Variants in MTO1 observed in about 807,000 individuals in gnomAD.
The protein encoded by MTO1 is mitochondrial tRNA translation optimization 1.
Under a neutral mutation model 71.6 loss-of-function variants are expected in MTO1, and 46 were observed. The observed-to-expected ratio is 0.64, with a 90% CI of 0.51 to 0.82. The LOEUF (loss-of-function observed/expected upper bound fraction) is 0.82. Ranked by LOEUF, MTO1 falls within the 40% of genes least tolerant of loss-of-function variation. The pLI is 0.00. For synonymous variants in MTO1, 297 were observed against 312.1 expected (o/e 0.95, Z 0.51); for missense variants, 773 against 867.5 (o/e 0.89, Z 1.37).
chr6:73,500,035 T>C (rs1772110198), intron 11 of MTO1, among the ~76,000 whole-genome samples: 1 of 152,164 alleles, frequency 6.6e-6, no homozygotes, highest in Admixed American at 6.5e-5. Flanking sequence ...GGGCTTACTC[T>C]GTCACCCAGG....
In MTO1 at chr6:73,482,032, T is replaced by A; in HGVS notation, c.1261-8T>A. 3 of 1,614,112 alleles carry A rather than the reference T, an allele frequency of 1.9e-6. No individual in the cohort carries two copies. Among genetic ancestry groups the A allele is most frequent in the Non-Finnish European group, 2.5e-6 (3 of 1,180,000 alleles). On this transcript the variant is annotated splice_region_variant and splice_polypyrimidine_tract_variant and intron_variant, in intron 7 of 11. Transcript: ENST00000498286. ...AATGGCCTTTTAAACATTTCAGTGC[T>A]CTTGTAGGGTGTGATAGCCGGAATC... is the stretch of plus-strand genomic sequence containing the variant.
At chr6:73,464,860 AACTT>A (rs1770940123) in intron 1 of MTO1, among the ~76,000 whole-genome samples, 1 of 130,864 alleles carries the variant, frequency 7.6e-6, no homozygotes, top group South Asian at 2.2e-4. Context: ...AAAAAAAAAA[AACTT>A]TTGGAGGTCT....
At chr6:73,477,932 G>A (rs1274923975) in intron 4 of MTO1, among the ~76,000 whole-genome samples, 1 of 151,964 alleles carries the variant, frequency 6.6e-6, no homozygotes, top group East Asian at 1.9e-4. Context: ...AAGTGTAGAG[G>A]CCACTTTTAC....
chr6:73,485,845 TG>T (rs1771638275), intron 9 of MTO1, among the ~76,000 whole-genome samples: 1 of 152,218 alleles, frequency 6.6e-6, no homozygotes, highest in African/African-American at 2.4e-5. Flanking sequence ...TGCCAGACTA[TG>T]TAGTAAGCGC....
In MTO1 at chr6:73,500,671, A is replaced by AT; in HGVS notation, c.2016dup (p.Glu673Ter). On this transcript the variant is annotated frameshift_variant, in exon 12 of 12. Transcript: ENST00000498286. LOFTEE classifies it low-confidence loss of function (END_TRUNC). ...ACTCAACGAAGACAGTCGGCTATGA[A>AT]TGAATCATCCAAGACTGATCAATAC... The AT allele has an allele frequency of 6.2e-7, 1 of 1,614,072 alleles. No individual in the cohort carries two copies. The highest frequency in any genetic ancestry group is 8.5e-7 in the Non-Finnish European group (1 of 1,179,948).
intron 3 of MTO1, among the ~76,000 whole-genome samples, chr6:73,470,858 C>T (rs1771143166): frequency 6.6e-6 from 1 of 152,066 alleles, no homozygotes; most frequent in African/African-American, 2.4e-5. Context: ...GAGGCTAAGG[C>T]AGGAGAATCA....
At chr6:73,497,984 T>C in intron 11 of MTO1, 88 bp downstream of exon 11, 1 of 1,133,254 alleles carries the variant, frequency 8.8e-7, no homozygotes, top group Non-Finnish European at 1.2e-6. Flanking sequence ...AATGGCCATA[T>C]AACTAATGTT....
chr6:73,462,127 G>C lies in MTO1; in HGVS notation c.217+56G>C, dbSNP rs775896239. On this transcript the variant is annotated intron_variant, in intron 1 of 11. Coordinates refer to ENST00000498286, the MANE Select transcript of MTO1 (RefSeq NM_012123.4). Reference sequence around the variant, plus strand: ...GTAGGACGCAGGCTGCTTCCTTCCCGCCTCCCCCGGTCTGAAGCGGGGGAC... The same window carrying C: ...GTAGGACGCAGGCTGCTTCCTTCCCCCCTCCCCCGGTCTGAAGCGGGGGAC... 16 of 1,566,460 alleles carry C rather than the reference G, an allele frequency of 1.0e-5. No homozygotes were observed. In the South Asian group the frequency reaches 1.4e-4, roughly 14 times the overall value.
At chr6:73,465,548 T>C (rs1770962698) in intron 1 of MTO1, among the ~76,000 whole-genome samples, 1 of 152,078 alleles carries the variant, frequency 6.6e-6, no homozygotes, top group Non-Finnish European at 1.5e-5. Context: ...ATTTGGTAGA[T>C]TCCTCTGGTG....
chr6:73,463,843 C>T (rs1460266714), intron 1 of MTO1, among the ~76,000 whole-genome samples: 11 of 151,972 alleles, frequency 7.2e-5, no homozygotes, highest in Non-Finnish European at 1.5e-4. Context: ...CGGGTTCAAG[C>T]GATTTCCTGC....
chr6:73,484,344 G>A (rs1249825716), intron 9 of MTO1, among the ~76,000 whole-genome samples: 1 of 152,132 alleles, frequency 6.6e-6, no homozygotes, highest in African/African-American at 2.4e-5. Flanking sequence ...TGAAGTCCAA[G>A]ATCAAGGCAC....
intron 10 of MTO1, among the ~76,000 whole-genome samples, chr6:73,496,316 A>G (rs1444766713): frequency 6.6e-6 from 1 of 152,182 alleles, no homozygotes; most frequent in Non-Finnish European, 1.5e-5. Flanking sequence ...TAAGAGCAGA[A>G]TGCTTTAAAC....
In MTO1 at chr6:73,479,823, A is replaced by G. The variant is rs1582684383; in HGVS notation, c.917A>G (p.Lys306Arg). 1 of 1,613,252 alleles carries G rather than the reference A, an allele frequency of 6.2e-7. No individual in the cohort carries two copies. The highest frequency in any genetic ancestry group is 8.5e-7 in the Non-Finnish European group (1 of 1,179,240). Reference sequence around the variant, plus strand: ...AACCTTCACCTTAATAGTCATGTTAAAGAAACGACAAGAGGACCTCGGTAA... The same window carrying G: ...AACCTTCACCTTAATAGTCATGTTAGAGAAACGACAAGAGGACCTCGGTAA... ...LKNLHLNSHV[K>R]ETTRGPRYCP... The change falls in exon 5 of 12, where the codon AAA (lysine) becomes AGA (arginine). Residue 306 changes from lysine (K) to arginine (R), a missense_variant. Physicochemically the swap from Lys to Arg is conservative, Grantham distance 26 (BLOSUM62 2). Transcript: ENST00000498286.
At chr6:73,464,171 T>C (rs1251019833) in intron 1 of MTO1, 3 of 152,192 alleles carry the variant, frequency 2.0e-5, no homozygotes, top group Non-Finnish European at 4.4e-5. Context: ...AAGTGTTCCA[T>C]ATTTTTAAAA....
rs1327928200 is a variant in MTO1, at chr6:73,473,503, T to G, written c.674T>G (p.Leu225Arg). The change falls in exon 4 of 12, where the codon CTG (leucine) becomes CGG (arginine). Residue 225 changes from leucine (L) to arginine (R), a missense_variant. By Grantham distance (102) the Leu-to-Arg change is moderately radical (BLOSUM62 -2). Transcript: ENST00000498286. ...DQPSIGLAQT[L>R]EKLGFVVGRL... Reference sequence around the variant, plus strand: ...CCTTCTATAGGATTGGCTCAGACACTGGAGAAGTTAGGGTTTGTGGTGGGA... The same window carrying G: ...CCTTCTATAGGATTGGCTCAGACACGGGAGAAGTTAGGGTTTGTGGTGGGA... The G allele has an allele frequency of 5.6e-6, 9 of 1,614,030 alleles. No individual in the cohort carries two copies. Among genetic ancestry groups the G allele is most frequent in the Non-Finnish European group, 5.1e-6 (6 of 1,180,006 alleles).
Position 73,508,292 on chromosome 6 carries a change from C to T in MTO1, c.*7557C>T, listed in dbSNP as rs548403965. On this transcript the variant is annotated 3_prime_UTR_variant, in exon 12 of 12. Coordinates refer to ENST00000498286, the MANE Select transcript of MTO1 (RefSeq NM_012123.4). ...CTAGGCTAAACAACTATTTTTTAGTCCAGTGGCTTGTAATTAAGTCATTTT... is the reference window on the plus strand; with the variant it reads ...CTAGGCTAAACAACTATTTTTTAGTTCAGTGGCTTGTAATTAAGTCATTTT... 6.6e-6 allele frequency: 1 copy of T among 152,202 alleles called. No individual in the cohort carries two copies. Among genetic ancestry groups the T allele is most frequent in the Admixed American group, 6.5e-5 (1 of 15,268 alleles). The allele number at this position is 152,202 out of a possible 1,614,324, so 9.4% of individuals were successfully genotyped here.
chr6:73,485,393 A>G (rs1771621576), intron 9 of MTO1, among the ~76,000 whole-genome samples: 1 of 150,920 alleles, frequency 6.6e-6, no homozygotes, highest in Non-Finnish European at 1.5e-5. Flanking sequence ...CAGTCTACAT[A>G]TTTGATTTGA....
intron 1 of MTO1, among the ~76,000 whole-genome samples, chr6:73,465,894 G>A (rs1770972226): frequency 6.6e-6 from 1 of 152,132 alleles, no homozygotes; most frequent in South Asian, 2.1e-4. Context: ...TGAGGCAGGA[G>A]AATCGCTTGA....
rs1451721741 is a variant in MTO1 at position 73,509,126 on chromosome 6, TTTTA to T, written c.*8397_*8400del. The T allele has an allele frequency of 1.3e-5, 2 of 152,188 alleles. No individual in the cohort carries two copies. Among genetic ancestry groups the T allele is most frequent in the African/African-American group, 4.8e-5 (2 of 41,450 alleles). The allele number at this position is 152,188 out of a possible 1,614,324, so 9.4% of individuals were successfully genotyped here. ...TGATTGTACTGAAAATATAACCAAGTTTTATTTATGTTTTTCATTTGGTATTAGC... is the reference window on the plus strand; with the variant it reads ...TGATTGTACTGAAAATATAACCAAGTTTTATGTTTTTCATTTGGTATTAGC... On this transcript the variant is annotated 3_prime_UTR_variant, in exon 12 of 12. Transcript: ENST00000498286.
Sources: gnomAD v4.1 joint callset for allele counts (sites outside exome capture counted in the v4.1 genomes callset) on GRCh38, gnomAD v4.1.1 for gene constraint, MANE v1.5 for transcripts, NCBI Gene and HGNC (gene_info 2026-07-23, HGNC 2026-07-21) for gene names.